The following MIR2052HG variants were observed in gnomAD, a reference collection of about 807,000 sequenced individuals.
The protein encoded by MIR2052HG is MIR2052 host gene.
Position 74,688,242 on chromosome 8 carries a change from C to T in MIR2052HG, n.217-14137C>T, listed in dbSNP as rs1809203782. 4.6e-5 allele frequency among the ~76,000 whole-genome samples: 7 copies of T among 152,226 alleles called. No individual in the cohort carries two copies. In the South Asian group the frequency reaches 1.5e-3, roughly 32 times the overall value. On this transcript the variant is annotated intron_variant and non_coding_transcript_variant, in intron 2 of 6. Coordinates refer to ENST00000523442, the Ensembl canonical transcript of MIR2052HG. ...AGTAGAATTAAAATGGTTTAAATTG[C>T]TAAACAAGAACAGTATTCATGATCC...
intron 2 of MIR2052HG, among the ~76,000 whole-genome samples, chr8:74,670,104 CTG>C (rs942187920): frequency 6.6e-6 from 1 of 152,184 alleles, no homozygotes; most frequent in Non-Finnish European, 1.5e-5. Context: ...TCACCAGACA[CTG>C]ACACTGTTGG....
At chr8:74,665,410 T>G (rs1235996246) in intron 2 of MIR2052HG, among the ~76,000 whole-genome samples, 1 of 152,182 alleles carries the variant, frequency 6.6e-6, no homozygotes, top group Non-Finnish European at 1.5e-5. Context: ...CAGGTACTCT[T>G]TAGCCCTTTG....
chr8:74,645,371 C>A (rs149313326), intron 2 of MIR2052HG, among the ~76,000 whole-genome samples: 6 of 151,894 alleles, frequency 4.0e-5, no homozygotes, highest in Admixed American at 1.3e-4. Context: ...CCACAACCTC[C>A]GCCTCCCAGG....
At chr8:74,646,498 A>G (rs1808690979) in intron 2 of MIR2052HG, among the ~76,000 whole-genome samples, 1 of 152,220 alleles carries the variant, frequency 6.6e-6, no homozygotes, top group South Asian at 2.1e-4. Flanking sequence ...CAGAGAGAGC[A>G]AATGCAGGGT....
intron 2 of MIR2052HG, among the ~76,000 whole-genome samples, chr8:74,628,009 C>T (rs1808458650): frequency 6.6e-6 from 1 of 152,112 alleles, no homozygotes; most frequent in South Asian, 2.1e-4. Context: ...TCTCCTTTTC[C>T]ATAGTGCTGG....
chr8:74,710,857 C>A (rs1439460838), intron 4 of MIR2052HG, among the ~76,000 whole-genome samples: 1 of 152,018 alleles, frequency 6.6e-6, no homozygotes, highest in African/African-American at 2.4e-5. Context: ...TTCAAATTAC[C>A]AATAATATCA....
chr8:74,620,020 A>G (rs1251484411), intron 2 of MIR2052HG, among the ~76,000 whole-genome samples: 1 of 152,248 alleles, frequency 6.6e-6, no homozygotes, highest in Non-Finnish European at 1.5e-5. Flanking sequence ...GGTATTGGGT[A>G]TAGCCATTCC....
chr8:74,658,469 C>T (rs1475667423), intron 2 of MIR2052HG, among the ~76,000 whole-genome samples: 1 of 151,834 alleles, frequency 6.6e-6, no homozygotes, highest in Non-Finnish European at 1.5e-5. Context: ...TGGCTCACTG[C>T]AACCTCCACC....
chr8:74,693,475 C>A (rs898796997), intron 2 of MIR2052HG, among the ~76,000 whole-genome samples: 4 of 151,950 alleles, frequency 2.6e-5, no homozygotes, highest in Admixed American at 6.6e-5. Flanking sequence ...ACAGAAGCCA[C>A]AGCAGGTGGT....
intron 4 of MIR2052HG, among the ~76,000 whole-genome samples, chr8:74,718,581 T>G (rs1445701318): frequency 6.6e-6 from 1 of 152,176 alleles, no homozygotes; most frequent in Non-Finnish European, 1.5e-5. Flanking sequence ...TGTGCAGAAC[T>G]TAGTCCCTGA....
chr8:74,667,418 A>G lies in MIR2052HG; in HGVS notation n.217-34961A>G, dbSNP rs116667774. Among the ~76,000 whole-genome samples, 427 of 152,370 alleles carry G rather than the reference A, an allele frequency of 2.8e-3. 2 individuals are homozygous for G. Among genetic ancestry groups the G allele is most frequent in the African/African-American group, 9.6e-3 (399 of 41,590 alleles). ...CATCTCTTGAAATTTAGCTGGTCCT[A>G]AAATCTAGAAGTTCTCTTTATTATT... On this transcript the variant is annotated intron_variant and non_coding_transcript_variant, in intron 2 of 6. Coordinates refer to ENST00000523442, the Ensembl canonical transcript of MIR2052HG.
chr8:74,600,266 T>G (rs191791683), intron 1 of MIR2052HG, among the ~76,000 whole-genome samples: 1 of 151,856 alleles, frequency 6.6e-6, no homozygotes, highest in African/African-American at 2.4e-5. Context: ...AAGCTCTGTT[T>G]TATTTCTTTT....
At chr8:74,740,213 C>T (rs1380921722) in intron 4 of MIR2052HG, among the ~76,000 whole-genome samples, 1 of 152,126 alleles carries the variant, frequency 6.6e-6, no homozygotes, top group Non-Finnish European at 1.5e-5. Context: ...CCTGTAATCC[C>T]AGTACTTTGA....
rs535024365 is a variant in MIR2052HG, at chr8:74,755,321, C to T, written n.464+2788C>T. 1.3e-4 allele frequency among the ~76,000 whole-genome samples: 20 copies of T among 152,272 alleles called. No homozygotes were observed. The East Asian group carries it at 3.5e-3, about 26-fold the overall frequency. ...GAAGTGATGGGTATGTGTGTATTGGCAGAGTTGAAGATAAACAATGCCAAA... is the reference window on the plus strand; with the variant it reads ...GAAGTGATGGGTATGTGTGTATTGGTAGAGTTGAAGATAAACAATGCCAAA... On this transcript the variant is annotated intron_variant and non_coding_transcript_variant, in intron 5 of 6. Transcript: ENST00000523442.
chr8:74,699,539 A>C (rs1392059078), intron 2 of MIR2052HG, among the ~76,000 whole-genome samples: 3 of 152,020 alleles, frequency 2.0e-5, no homozygotes, highest in African/African-American at 7.2e-5. Context: ...TAACTCAGGA[A>C]TAAAAACAAC....
At chr8:74,646,657 C>CTAA (rs1210098293) in intron 2 of MIR2052HG, among the ~76,000 whole-genome samples, 2 of 152,182 alleles carry the variant, frequency 1.3e-5, no homozygotes, top group Non-Finnish European at 2.9e-5. Flanking sequence ...GGCAAAGTGG[C>CTAA]TAATGCCTGT....
At chr8:74,616,330 C>T (rs1045678237) in intron 2 of MIR2052HG, among the ~76,000 whole-genome samples, 4 of 150,550 alleles carry the variant, frequency 2.7e-5, no homozygotes, top group Non-Finnish European at 5.9e-5. Context: ...TGGTATCTCA[C>T]TGTGGTTTTG....
At chr8:74,754,187 C>T (rs763343477) in intron 5 of MIR2052HG, among the ~76,000 whole-genome samples, 47 of 152,286 alleles carry the variant, frequency 3.1e-4, no homozygotes, top group Non-Finnish European at 4.9e-4. Flanking sequence ...ACTTGTAAAA[C>T]ACTAACAGAG....
rs577228941 is a variant in MIR2052HG at position 74,685,214 on chromosome 8, A to C, written n.217-17165A>C. 2.0e-5 allele frequency among the ~76,000 whole-genome samples: 3 copies of C among 152,222 alleles called. No individual in the cohort carries two copies. The East Asian group carries it at 5.8e-4, about 29-fold the overall frequency. On this transcript the variant is annotated intron_variant and non_coding_transcript_variant, in intron 2 of 6. Coordinates refer to ENST00000523442, the Ensembl canonical transcript of MIR2052HG. ...GTTTAGACATTTCTGGATGTCTTTT[A>C]AAATAATTTCTTTCTTCTAATATGG...
Sources: gnomAD v4.1 joint callset for allele counts (sites outside exome capture counted in the v4.1 genomes callset) on GRCh38, gnomAD v4.1.1 for gene constraint, MANE v1.5 for transcripts, NCBI Gene and HGNC (gene_info 2026-07-23, HGNC 2026-07-21) for gene names.